Variants in B3GLCT observed in about 807,000 individuals in gnomAD.
The protein encoded by B3GLCT is beta 3-glucosyltransferase.
In B3GLCT, 65 loss-of-function variants were observed where a neutral mutation model predicts 63.4. That is an observed-to-expected ratio of 1.03 (90% CI 0.84 to 1.26). B3GLCT has a LOEUF of 1.26. B3GLCT is among the 50% of genes most tolerant of loss of function. The probability of loss-of-function intolerance (pLI) is 0.00; values close to 1 mark genes in which losing one functional copy is unlikely to be tolerated. For synonymous variants in B3GLCT, 233 were observed against 219.2 expected (o/e 1.06, Z -0.55); for missense variants, 577 against 604.8 (o/e 0.95, Z 0.48).
intron 2 of B3GLCT, among the ~76,000 whole-genome samples, chr13:31,218,386 A>G (rs925085748): frequency 4.0e-5 from 6 of 151,680 alleles, no homozygotes; most frequent in South Asian, 2.1e-4. Context: ...GAATTTCACT[A>G]TGTTGCTCAG....
chr13:31,288,215 G>A (rs1873445309), intron 12 of B3GLCT, among the ~76,000 whole-genome samples: 1 of 152,142 alleles, frequency 6.6e-6, no homozygotes, highest in South Asian at 2.1e-4. Context: ...AGTACCCACT[G>A]CCCCACTCTA....
chr13:31,286,878 A>T, intron 12 of B3GLCT, 59 bp downstream of exon 12: 1 of 1,196,274 alleles, frequency 8.4e-7, no homozygotes, highest in South Asian at 1.3e-5. Flanking sequence ...ATATTCAAAA[A>T]ACTAGATGGG....
chr13:31,257,075 G>C (rs959906503), intron 6 of B3GLCT, among the ~76,000 whole-genome samples: 1 of 152,100 alleles, frequency 6.6e-6, no homozygotes, highest in East Asian at 1.9e-4. Flanking sequence ...TTTTTTAAAA[G>C]TAGTTTACAG....
chr13:31,283,416 T>G (rs901198312), intron 10 of B3GLCT: 2 of 152,226 alleles, frequency 1.3e-5, no homozygotes, highest in Non-Finnish European at 2.9e-5. Flanking sequence ...TTTTTTAACA[T>G]TTCTTTTTTC....
chr13:31,255,965 G>C (rs1871717924), intron 6 of B3GLCT, among the ~76,000 whole-genome samples: 1 of 152,190 alleles, frequency 6.6e-6, no homozygotes, highest in Non-Finnish European at 1.5e-5. Context: ...AAACTAAAGA[G>C]CTTCTGCACA....
At chr13:31,209,657 C>T (rs972716470) in intron 1 of B3GLCT, among the ~76,000 whole-genome samples, 12 of 152,290 alleles carry the variant, frequency 7.9e-5, no homozygotes, top group African/African-American at 2.2e-4. Context: ...GGCAGGCAAC[C>T]ACCTAGACAC....
At position 31,310,982 on chromosome 13, in the gene B3GLCT, A is replaced by T. The variant is rs1289166637; in HGVS notation, c.1065-6584A>T. The stretch of plus-strand genomic sequence containing the variant: ...CCTGCCAGGCTTAATGGGCAGAGCA[A>T]GTCTAGTGGCAAGCCCAGAGCTGAG... On this transcript the variant is annotated intron_variant, in intron 12 of 14. Transcript: ENST00000343307. Among the ~76,000 whole-genome samples, 5 of 152,238 alleles carry T rather than the reference A, an allele frequency of 3.3e-5. No homozygotes were observed. In the South Asian group the frequency reaches 8.3e-4, roughly 25 times the overall value.
At chr13:31,249,642 A>C (rs1296231559) in intron 6 of B3GLCT, among the ~76,000 whole-genome samples, 2 of 152,232 alleles carry the variant, frequency 1.3e-5, no homozygotes, top group Admixed American at 1.3e-4. Context: ...TAAAAGTTCA[A>C]AGCAAGTTCA....
chr13:31,204,344 G>T (rs183491560), intron 1 of B3GLCT, among the ~76,000 whole-genome samples: 196 of 152,308 alleles, frequency 1.3e-3, no homozygotes, highest in African/African-American at 4.5e-3. Context: ...GCACAGGACA[G>T]TTCCACCCCA....
At chr13:31,245,757 T>C (rs1871172170) in intron 4 of B3GLCT, among the ~76,000 whole-genome samples, 1 of 152,180 alleles carries the variant, frequency 6.6e-6, no homozygotes, top group Non-Finnish European at 1.5e-5. Context: ...TCTGCTCTTA[T>C]GTAATCCTTC....
At chr13:31,309,297 A>T (rs1874574246) in intron 12 of B3GLCT, among the ~76,000 whole-genome samples, 1 of 152,226 alleles carries the variant, frequency 6.6e-6, no homozygotes, top group African/African-American at 2.4e-5. Flanking sequence ...ACAATCAATG[A>T]GGAAGACTTC....
At chr13:31,205,416 G>A (rs932915612) in intron 1 of B3GLCT, among the ~76,000 whole-genome samples, 6 of 151,958 alleles carry the variant, frequency 3.9e-5, no homozygotes, top group Non-Finnish European at 7.4e-5. Flanking sequence ...AAAATTACCC[G>A]CGCATGGTGG....
chr13:31,253,610 A>AC (rs1157401777), intron 6 of B3GLCT, among the ~76,000 whole-genome samples: 6 of 146,228 alleles, frequency 4.1e-5, no homozygotes, highest in African/African-American at 7.5e-5. Context: ...AAAAAAAAAA[A>AC]AAAAAAAAAA....
chr13:31,204,502 G>C (rs1868843062), intron 1 of B3GLCT, among the ~76,000 whole-genome samples: 1 of 152,156 alleles, frequency 6.6e-6, no homozygotes, highest in Non-Finnish European at 1.5e-5. Context: ...GTGGGTGGCA[G>C]AGCTTGGTGG....
At chr13:31,269,716 A>G (rs1182899749) in intron 8 of B3GLCT, among the ~76,000 whole-genome samples, 2 of 150,472 alleles carry the variant, frequency 1.3e-5, no homozygotes, top group Non-Finnish European at 3.0e-5. Context: ...GGGAGGTGAT[A>G]GGGGCATGAG....
chr13:31,215,536 C>T (rs1296615306), intron 2 of B3GLCT, among the ~76,000 whole-genome samples: 1 of 152,136 alleles, frequency 6.6e-6, no homozygotes, highest in Non-Finnish European at 1.5e-5. Flanking sequence ...GTCTCAGCCT[C>T]CCCAGTAGCT....
chr13:31,322,743 C>G (rs1476788575), intron 13 of B3GLCT, among the ~76,000 whole-genome samples: 2 of 152,028 alleles, frequency 1.3e-5, no homozygotes, highest in African/African-American at 4.8e-5. Flanking sequence ...AAATGAAAGT[C>G]TTTCTCATTT....
At chr13:31,214,631 C>T (rs1869458844) in intron 1 of B3GLCT, among the ~76,000 whole-genome samples, 1 of 152,226 alleles carries the variant, frequency 6.6e-6, no homozygotes, top group Non-Finnish European at 1.5e-5. Context: ...TGTTGCCTGC[C>T]AGGCTCTGGC....
intron 6 of B3GLCT, among the ~76,000 whole-genome samples, chr13:31,249,039 T>G (rs1871313521): frequency 6.6e-6 from 1 of 152,166 alleles, no homozygotes. Flanking sequence ...CTGGTCCCAG[T>G]GGAAACCTGT....
Sources: allele counts gnomAD v4.1 joint callset (sites outside exome capture counted in the v4.1 genomes callset), GRCh38; gene constraint gnomAD v4.1.1; transcripts MANE v1.5; gene names NCBI Gene and HGNC (gene_info 2026-07-23, HGNC 2026-07-21).